AMZ1: variants seen among roughly 807,000 people sequenced by gnomAD.
The protein encoded by AMZ1 is archaelysin family metallopeptidase 1, also known as archaemetzincin-1.
AMZ1 carries 39 observed loss-of-function variants against 29.9 expected under a neutral mutation model. The observed-to-expected ratio is 1.30, with a 90% confidence interval of 1.01 to 1.70. AMZ1 has a LOEUF of 1.70. Among genes scored for constraint, AMZ1 ranks in the 40% most tolerant of loss-of-function variants. The probability of loss-of-function intolerance (pLI) is 0.00; values close to 1 mark genes in which losing one functional copy is unlikely to be tolerated. For missense variants in AMZ1, 1,041 were observed against 680.6 expected, an observed-to-expected ratio of 1.53 and a Z score of -5.89; for synonymous variants, 458 against 304.0, an observed-to-expected ratio of 1.51 and a Z score of -5.27.
chr7:2,695,551 A>G (rs1038512156), intron 1 of AMZ1, among the ~76,000 whole-genome samples: 6 of 100,966 alleles, frequency 5.9e-5, no homozygotes, highest in Non-Finnish European at 8.2e-5. Context: ...ACTCTTCTCT[A>G]CAAAAAAAAA....
In AMZ1 at chr7:2,717,142, GAGGCC is replaced by G. The variant is rs1169038934; in HGVS notation, c.*4265_*4269del. Among the ~76,000 whole-genome samples, 1 of 152,190 alleles carries G rather than the reference GAGGCC, an allele frequency of 6.6e-6. No individual in the cohort carries two copies. The highest frequency in any genetic ancestry group is 1.5e-5 in the Non-Finnish European group (1 of 68,034). On this transcript the variant is annotated 3_prime_UTR_variant, in exon 7 of 7. Coordinates refer to ENST00000683327, the MANE Select transcript of AMZ1 (RefSeq NM_001384743.1). ...GTGCAGCTCCTTCGGACTCTGAGGA[GAGGCC>G]TGGGTGGGTGGCCGGCACTCTTAGG... is the stretch of plus-strand genomic sequence containing the variant.
Position 2,707,050 on chromosome 7 carries a change from G to A in AMZ1, c.473-1538G>A, listed in dbSNP as rs560782115. Among the ~76,000 whole-genome samples, 22 of 152,212 alleles carry A rather than the reference G, an allele frequency of 1.4e-4. No individual in the cohort carries two copies. In the South Asian group the frequency reaches 2.9e-3, roughly 20 times the overall value. On this transcript the variant is annotated intron_variant, in intron 3 of 6. Coordinates refer to ENST00000683327, the MANE Select transcript of AMZ1 (RefSeq NM_001384743.1). Reference sequence around the variant, plus strand: ...AGCACTTTGGGAGACCGAGGCAGACGGATCACGAGGGTAGGAGTTTGAGAC... The same window carrying A: ...AGCACTTTGGGAGACCGAGGCAGACAGATCACGAGGGTAGGAGTTTGAGAC...
At chr7:2,702,571 C>T in intron 2 of AMZ1, 151 bp from the exon 3 acceptor site, 2 of 847,416 alleles carry the variant, frequency 2.4e-6, no homozygotes, top group Middle Eastern at 3.6e-4. Context: ...GCTTTCCATC[C>T]CTTTTCTAAG....
chr7:2,758,656 C>A (rs750584711), intron 4 of AMZ1, among the ~76,000 whole-genome samples: 3 of 152,206 alleles, frequency 2.0e-5, no homozygotes, highest in Non-Finnish European at 2.9e-5. Flanking sequence ...GCCCCCACAG[C>A]ACACTTGGAG....
At position 2,700,710 on chromosome 7, in the gene AMZ1, C is replaced by G; in HGVS notation, c.259C>G (p.Arg87Gly). 3 of 1,613,122 alleles carry G rather than the reference C, an allele frequency of 1.9e-6. No individual in the cohort carries two copies. The South Asian group carries it at 3.3e-5, about 18-fold the overall frequency. Residue 87 changes from arginine to glycine, a missense_variant, in exon 2 of 7, where the codon CGG (arginine) becomes GGG (glycine). Arg to Gly is a moderately radical substitution (Grantham distance 125). Coordinates refer to ENST00000683327, the MANE Select transcript of AMZ1 (RefSeq NM_001384743.1). ...GACCTTCCACGCCTCCCTGCAGCAC[C>G]GGAAGCCCCGCCTGGCTCGGAAGCA... ...FQTFHASLQH[R>G]KPRLARKHIY...
intron 3 of AMZ1, among the ~76,000 whole-genome samples, chr7:2,703,496 A>T (rs924332852): frequency 8.2e-6 from 1 of 122,424 alleles, no homozygotes; most frequent in African/African-American, 4.2e-5. Context: ...GTCTTTGCAT[A>T]GTACTTTACA....
chr7:2,682,684 G>A (rs528728880), intron 1 of AMZ1, among the ~76,000 whole-genome samples: 42 of 152,260 alleles, frequency 2.8e-4, no homozygotes, highest in African/African-American at 7.7e-4. Context: ...CCCTGCTTGG[G>A]CCATACACGG....
intron 4 of AMZ1, among the ~76,000 whole-genome samples, chr7:2,735,219 G>C (rs993260996): frequency 1.3e-5 from 2 of 152,188 alleles, no homozygotes; most frequent in Non-Finnish European, 2.9e-5. Context: ...AGCCCAAGAA[G>C]CATCAGCATA....
intron 4 of AMZ1, among the ~76,000 whole-genome samples, chr7:2,752,545 A>T (rs1791091604): frequency 1.3e-5 from 2 of 152,194 alleles, no homozygotes; most frequent in African/African-American, 2.4e-5. Context: ...CAAACACAAA[A>T]TCCTAAGGAA....
intron 2 of AMZ1, chr7:2,702,240 AG>A (rs1788094833): frequency 6.4e-6 from 1 of 155,924 alleles, no homozygotes; most frequent in Admixed American, 6.5e-5. Context: ...TGCCCCAGCC[AG>A]GCTGGCATTT....
chr7:2,757,392 C>T (rs116171489), intron 4 of AMZ1, among the ~76,000 whole-genome samples: 1 of 152,232 alleles, frequency 6.6e-6, no homozygotes, highest in African/African-American at 2.4e-5. Context: ...AGAAAGCACA[C>T]AGCCGTGTTA....
chr7:2,710,225 A>G (rs1788682916), intron 6 of AMZ1, among the ~76,000 whole-genome samples: 2 of 152,068 alleles, frequency 1.3e-5, no homozygotes, highest in Admixed American at 1.3e-4. Context: ...AGGAGGTGGG[A>G]GCTGACACAA....
Position 2,731,445 on chromosome 7 carries a change from G to A in AMZ1, n.550+21629G>A, listed in dbSNP as rs1307023091. The stretch of plus-strand genomic sequence containing the variant: ...CCACCAGGAGGTCCATCTTGTTGAG[G>A]AAGAGAATGATGGAGACGTTGAAGA... On this transcript the variant is annotated intron_variant and non_coding_transcript_variant, in intron 4 of 4. Coordinates refer to the AMZ1 transcript ENST00000489665. The surrounding 1 kb of genome is among the most constrained non-coding windows in gnomAD (Gnocchi z 6.0). 1.2e-6 allele frequency: 2 copies of A among 1,613,840 alleles called. No homozygotes were observed. The highest frequency in any genetic ancestry group is 1.7e-6 in the Non-Finnish European group (2 of 1,179,816).
At chr7:2,744,278 C>T (rs1056334078) in intron 4 of AMZ1, among the ~76,000 whole-genome samples, 2 of 152,150 alleles carry the variant, frequency 1.3e-5, no homozygotes, top group African/African-American at 4.8e-5. Context: ...CCAGTAGGGG[C>T]GGACTGACAC....
chr7:2,741,065 CAAACAAAT>C (rs1790475872), intron 4 of AMZ1, among the ~76,000 whole-genome samples: 2 of 151,918 alleles, frequency 1.3e-5, no homozygotes, highest in East Asian at 1.9e-4. Flanking sequence ...AACAAACAAA[CAAACAAAT>C]AATCAAACAA....
chr7:2,733,313 GTACT>G, intron 4 of AMZ1: 1 of 720,104 alleles, frequency 1.4e-6, no homozygotes, highest in Non-Finnish European at 2.5e-6. Context: ...TGCCATTACA[GTACT>G]ATTCGTGGTA....
chr7:2,694,090 C>T (rs972307232), intron 1 of AMZ1, among the ~76,000 whole-genome samples: 5 of 152,190 alleles, frequency 3.3e-5, no homozygotes, highest in African/African-American at 9.6e-5. Flanking sequence ...GTGCCTGATG[C>T]AACACCGTTC....
In AMZ1 at chr7:2,700,526, C is replaced by T. The variant is rs200327940; in HGVS notation, c.75C>T (p.Asp25=). ...RALKDALVST[D]AALQQLYVSA... is the part of the protein sequence containing the mutation. ...TGAAGGACGCTCTGGTCTCCACTGA[C>T]GCAGCCCTGCAGCAGCTGTATGTGT... Residue 25 remains aspartate (D), a synonymous_variant, in exon 2 of 7, where the codon GAC becomes GAT. Coordinates refer to ENST00000683327, the MANE Select transcript of AMZ1 (RefSeq NM_001384743.1). The T allele has an allele frequency of 4.2e-5, 68 of 1,608,244 alleles. No individual in the cohort carries two copies. Among genetic ancestry groups the T allele is most frequent in the African/African-American group, 4.0e-4 (30 of 75,040 alleles).
chr7:2,698,013 AAATT>A (rs1787841149), intron 1 of AMZ1, among the ~76,000 whole-genome samples: 1 of 152,390 alleles, frequency 6.6e-6, no homozygotes, highest in African/African-American at 2.4e-5. Flanking sequence ...GAAAATATAT[AAATT>A]ACATATATCA....
Sources: allele counts gnomAD v4.1 joint callset (sites outside exome capture counted in the v4.1 genomes callset), GRCh38; gene constraint gnomAD v4.1.1; non-coding constraint Gnocchi (gnomAD v3.1); transcripts MANE v1.5; gene names NCBI Gene and HGNC (gene_info 2026-07-23, HGNC 2026-07-21).